COL4A5: variants seen among roughly 807,000 people sequenced by gnomAD.
COL4A5 encodes the protein collagen alpha-5(IV) chain.
In COL4A5, 26 loss-of-function variants were observed where a neutral mutation model predicts 130.2. The ratio of observed to expected loss-of-function variants is 0.20; its 90% CI spans 0.15 to 0.28. COL4A5 has a LOEUF of 0.28. COL4A5 is among the 10% of genes least tolerant of loss of function. The pLI is 1.00. For missense variants in COL4A5, 1,131 were observed against 1,344.3 expected, an observed-to-expected ratio of 0.84 and a Z score of 2.48; for synonymous variants, 496 against 439.6, an observed-to-expected ratio of 1.13 and a Z score of -1.60.
intron 1 of COL4A5, among the ~76,000 whole-genome samples, chrX:108,534,613 A>C (rs2065431099): frequency 9.0e-6 from 1 of 111,142 alleles, no homozygotes; most frequent in African/African-American, 3.3e-5. Context: ...GGGAGGATGA[A>C]GAGAACTGGG....
chrX:108,484,718 C>T (rs1391670353), intron 1 of COL4A5, among the ~76,000 whole-genome samples: 1 of 112,683 alleles, frequency 8.9e-6, no homozygotes, highest in African/African-American at 3.2e-5. Flanking sequence ...CCCCTGTGGC[C>T]ACCACCCCTG....
intron 44 of COL4A5, among the ~76,000 whole-genome samples, chrX:108,678,587 CA>C (rs1391601341): frequency 5.4e-5 from 6 of 110,828 alleles, no homozygotes; most frequent in Non-Finnish European, 1.1e-4. Flanking sequence ...AAATTCTTAC[CA>C]AATGTCTTGG....
chrX:108,685,174 T>C (rs1330053217), intron 47 of COL4A5, among the ~76,000 whole-genome samples: 1 of 112,046 alleles, frequency 8.9e-6, no homozygotes. Context: ...GCTGGAAGCA[T>C]TCCCTTTGAA....
chrX:108,498,924 A>G (rs2147561742), intron 1 of COL4A5, among the ~76,000 whole-genome samples: 1 of 111,432 alleles, frequency 9.0e-6, no homozygotes. Flanking sequence ...AGTTTCTACA[A>G]TTAATAATCA....
At chrX:108,608,794 C>T (rs772424814) in intron 29 of COL4A5, among the ~76,000 whole-genome samples, 24 of 111,578 alleles carry the variant, frequency 2.2e-4, no homozygotes, top group Admixed American at 1.9e-3. Flanking sequence ...ATGCCCCTTT[C>T]CAGTCAGTCC....
rs2068704248 is a variant in COL4A5 at position 108,694,835 on chromosome X, G to A, written c.4735G>A (p.Val1579Met). The change falls in exon 51 of 53, where the codon GTG becomes ATG. Residue 1579 changes from valine to methionine, a missense_variant. Coordinates refer to ENST00000328300, the MANE Select transcript of COL4A5 (RefSeq NM_033380.3). Reference sequence around the variant, plus strand: ...TGCAGTATGTGAAGCTCCAGCTGTGGTGATCGCAGTTCACAGTCAGACGAT... The same window carrying A: ...TGCAGTATGTGAAGCTCCAGCTGTGATGATCGCAGTTCACAGTCAGACGAT... ...RCAVCEAPAV[V>M]IAVHSQTIQI... is the part of the protein sequence containing the mutation. The A allele has an allele frequency of 8.3e-7, 1 of 1,207,075 alleles. No individual in the cohort carries two copies.
Position 108,450,752 on chromosome X carries a change from A to G in COL4A5, c.81+10546A>G, listed in dbSNP as rs185376360. Reference sequence around the variant, plus strand: ...AATGACTAATACACAGTGTTACAAAATCATGCATAGGGAAAAGATCCCTTC... The same window carrying G: ...AATGACTAATACACAGTGTTACAAAGTCATGCATAGGGAAAAGATCCCTTC... On this transcript the variant is annotated intron_variant, in intron 1 of 52. Coordinates refer to ENST00000328300, the MANE Select transcript of COL4A5 (RefSeq NM_033380.3). Among the ~76,000 whole-genome samples the G allele has an allele frequency of 2.4e-4, 27 of 111,982 alleles. No homozygotes were observed. In the Admixed American group the frequency reaches 2.5e-3, roughly 10 times the overall value.
At chrX:108,582,298 A>T (rs1444145061) in intron 16 of COL4A5, among the ~76,000 whole-genome samples, 1 of 111,200 alleles carries the variant, frequency 9.0e-6, no homozygotes, top group Non-Finnish European at 1.9e-5. Flanking sequence ...ATATTCAACA[A>T]TTGCCTCTTA....
chrX:108,474,371 G>A (rs1271240119), intron 1 of COL4A5, among the ~76,000 whole-genome samples: 2 of 111,538 alleles, frequency 1.8e-5, no homozygotes, highest in African/African-American at 6.5e-5. Flanking sequence ...TTGTGTTACA[G>A]TTGCCTACAA....
chrX:108,547,302 T>C (rs911462577), intron 2 of COL4A5, among the ~76,000 whole-genome samples: 2 of 112,259 alleles, frequency 1.8e-5, no homozygotes, highest in African/African-American at 6.5e-5. Flanking sequence ...GGATGTCCTT[T>C]CTGTTTGTTA....
Position 108,485,437 on chromosome X carries a change from T to A in COL4A5, c.81+45231T>A, listed in dbSNP as rs568087488. The stretch of plus-strand genomic sequence containing the variant: ...CTTACCTGAAGCTAGTGTATCTCAG[T>A]CTTACCCAAGGCCCATGGTGTACTA... On this transcript the variant is annotated intron_variant, in intron 1 of 52. Coordinates refer to ENST00000328300, the MANE Select transcript of COL4A5 (RefSeq NM_033380.3). Among the ~76,000 whole-genome samples the A allele has an allele frequency of 5.4e-5, 6 of 111,699 alleles. No individual in the cohort carries two copies. The South Asian group carries it at 2.2e-3, about 42-fold the overall frequency.
chrX:108,566,009 A>G (rs1406749466), intron 4 of COL4A5, among the ~76,000 whole-genome samples: 7 of 92,272 alleles, frequency 7.6e-5, no homozygotes, highest in Non-Finnish European at 1.3e-4. Flanking sequence ...TTTTGATGTT[A>G]GGTTTGATCA....
intron 25 of COL4A5, among the ~76,000 whole-genome samples, chrX:108,600,159 C>T (rs189639782): frequency 1.0e-3 from 114 of 112,088 alleles, no homozygotes; most frequent in Middle Eastern, 9.3e-3. Flanking sequence ...TAATCAAGTA[C>T]TTTGACCAAT....
intron 1 of COL4A5, among the ~76,000 whole-genome samples, chrX:108,485,402 T>C (rs766040085): frequency 9.0e-6 from 1 of 111,666 alleles, no homozygotes; most frequent in Non-Finnish European, 1.9e-5. Flanking sequence ...CAGCTGGGAA[T>C]ATATTGAGTC....
intron 46 of COL4A5, 30 bp from the exon 47 acceptor site, chrX:108,681,730 C>G (rs2068434283): frequency 8.3e-7 from 1 of 1,206,159 alleles, no homozygotes; most frequent in Admixed American, 2.2e-5. Context: ...CTTTCTCTTT[C>G]CCTTCAAATT....
At chrX:108,628,759 G>T (rs886900552) in intron 36 of COL4A5, among the ~76,000 whole-genome samples, 2 of 111,429 alleles carry the variant, frequency 1.8e-5, no homozygotes, top group African/African-American at 6.5e-5. Context: ...TTTTACATAG[G>T]CAAATTATGT....
intron 2 of COL4A5, among the ~76,000 whole-genome samples, chrX:108,551,067 T>G (rs1188652922): frequency 9.0e-6 from 1 of 111,592 alleles, no homozygotes; most frequent in Non-Finnish European, 1.9e-5. Context: ...GAAATACCAT[T>G]CTAGACATTG....
chrX:108,678,117 C>T (rs2068344463), intron 44 of COL4A5, among the ~76,000 whole-genome samples: 1 of 110,436 alleles, frequency 9.1e-6, no homozygotes, highest in Non-Finnish European at 1.9e-5. Flanking sequence ...AGAATAATAA[C>T]ATATCCACTC....
intron 1 of COL4A5, among the ~76,000 whole-genome samples, chrX:108,532,761 G>GGAAA (rs1043914674): frequency 9.0e-6 from 1 of 110,570 alleles, no homozygotes; most frequent in Non-Finnish European, 1.9e-5. Flanking sequence ...GATCTAACCA[G>GGAAA]GAAAGAAAGA....
Sources: allele counts gnomAD v4.1 joint callset (sites outside exome capture counted in the v4.1 genomes callset), GRCh38; gene constraint gnomAD v4.1.1; transcripts MANE v1.5; gene names NCBI Gene and HGNC (gene_info 2026-07-23, HGNC 2026-07-21).